Variants in CTNNA3 observed in about 807,000 individuals in gnomAD.
CTNNA3 encodes catenin alpha 3.
In CTNNA3, 76 loss-of-function variants were observed where a neutral mutation model predicts 95.7. The ratio of observed to expected loss-of-function variants is 0.79; its 90% confidence interval spans 0.66 to 0.96. The LOEUF (loss-of-function observed/expected upper bound fraction) is 0.96, where lower values mean the gene tolerates loss of function less well. Among genes scored for constraint, CTNNA3 ranks in the 40% least tolerant of loss-of-function variants. The probability of loss-of-function intolerance (pLI) is 0.00; values close to 1 mark genes in which losing one functional copy is unlikely to be tolerated. For missense variants in CTNNA3, 1,191 were observed against 1,089.8 expected (o/e 1.09, Z -1.31); for synonymous variants, 431 against 374.4 (o/e 1.15, Z -1.74).
chr10:66,248,129 T>G (rs891867623), intron 13 of CTNNA3, among the ~76,000 whole-genome samples: 1 of 152,092 alleles, frequency 6.6e-6, no homozygotes. Context: ...TTTCTATTAG[T>G]TTTTTTCTCA....
At chr10:66,371,614 A>G (rs1209590261) in intron 12 of CTNNA3, among the ~76,000 whole-genome samples, 1 of 151,940 alleles carries the variant, frequency 6.6e-6, no homozygotes, top group African/African-American at 2.4e-5. Context: ...TCAATCCTCA[A>G]TTTCCTTTCT....
chr10:66,098,121 A>T (rs2081471725), intron 14 of CTNNA3: 2 of 152,140 alleles, frequency 1.3e-5, no homozygotes, highest in Admixed American at 6.6e-5. Context: ...TAGGATGGGG[A>T]CGTGTAGAAA....
intron 5 of CTNNA3, among the ~76,000 whole-genome samples, chr10:67,235,163 T>C (rs914095334): frequency 6.6e-6 from 1 of 152,098 alleles, no homozygotes; most frequent in Non-Finnish European, 1.5e-5. Flanking sequence ...GAAAAAACTA[T>C]TTTAAAGTTC....
At chr10:66,877,222 C>T (rs6480235) in intron 7 of CTNNA3, among the ~76,000 whole-genome samples, 19,251 of 152,080 alleles carry the variant, frequency 0.13, 1,444 homozygotes, top group African/African-American at 0.21. Flanking sequence ...TGTGTTCTGG[C>T]CTATTCTTAG....
chr10:67,739,662 A>G (rs1841323690), intron 1 of CTNNA3, among the ~76,000 whole-genome samples: 2 of 152,078 alleles, frequency 1.3e-5, no homozygotes, highest in Non-Finnish European at 2.9e-5. Flanking sequence ...AAAAGAGGAT[A>G]CAAACAAATG....
rs1349745219 is a variant in CTNNA3 at position 66,360,648 on chromosome 10, TTTC to T, written c.1732+18501_1732+18503del. ...CTTTCTTTCTTTCTTTCTTTCTTTC[TTTC>T]TTTCTTTCTTCCTTCCTTCCTTCCT... On this transcript the variant is annotated intron_variant, in intron 12 of 17. Transcript: ENST00000433211. 1.4e-4 allele frequency among the ~76,000 whole-genome samples: 9 copies of T among 62,100 alleles called. 1 individual carries two copies. Among genetic ancestry groups the T allele is most frequent in the African/African-American group, 6.4e-4 (9 of 14,104 alleles). 40.7% of individuals were successfully genotyped at this position (62,100 alleles called of 152,430 possible).
At chr10:67,298,843 T>G (rs1348914442) in intron 5 of CTNNA3, among the ~76,000 whole-genome samples, 1 of 152,198 alleles carries the variant, frequency 6.6e-6, no homozygotes, top group Non-Finnish European at 1.5e-5. Context: ...TATACTCTCA[T>G]GCTCCATGAC....
At chr10:67,615,915 C>T (rs1333226622) in intron 2 of CTNNA3, among the ~76,000 whole-genome samples, 2 of 152,036 alleles carry the variant, frequency 1.3e-5, no homozygotes, top group African/African-American at 4.8e-5. Context: ...CCACCTGCCT[C>T]GGCCTCTCAA....
At chr10:66,926,974 C>CTGA (rs1847119436) in intron 7 of CTNNA3, 2 of 1,613,840 alleles carry the variant, frequency 1.2e-6, no homozygotes, top group Non-Finnish European at 1.7e-6. Flanking sequence ...GGTTATAGCC[C>CTGA]CCACTGTCTT....
intron 7 of CTNNA3, among the ~76,000 whole-genome samples, chr10:66,925,609 T>C (rs1348387868): frequency 1.3e-5 from 2 of 152,204 alleles, no homozygotes; most frequent in Non-Finnish European, 2.9e-5. Context: ...CATAATATAA[T>C]CACTGTGACT....
chr10:67,733,501 G>A (rs1841287448), intron 1 of CTNNA3, among the ~76,000 whole-genome samples: 1 of 152,134 alleles, frequency 6.6e-6, no homozygotes, highest in Non-Finnish European at 1.5e-5. Flanking sequence ...TTGGAGAACA[G>A]CCACAAAAAG....
chr10:67,402,498 T>A (rs994215971), intron 5 of CTNNA3, among the ~76,000 whole-genome samples: 2 of 152,020 alleles, frequency 1.3e-5, no homozygotes, highest in African/African-American at 4.8e-5. Flanking sequence ...AAGCAGTGAG[T>A]AAATACAGCA....
At chr10:66,197,242 A>G (rs2087019017) in intron 13 of CTNNA3, among the ~76,000 whole-genome samples, 1 of 152,162 alleles carries the variant, frequency 6.6e-6, no homozygotes, top group African/African-American at 2.4e-5. Context: ...GTAGACTAAA[A>G]AGAGATCTGT....
intron 4 of CTNNA3, among the ~76,000 whole-genome samples, chr10:67,527,550 T>C (rs1482304392): frequency 6.6e-6 from 1 of 152,246 alleles, no homozygotes; most frequent in Non-Finnish European, 1.5e-5. Context: ...AAGTTTCCCC[T>C]GGATGAATGC....
chr10:66,442,649 G>A (rs2093383584), intron 11 of CTNNA3, among the ~76,000 whole-genome samples: 1 of 152,146 alleles, frequency 6.6e-6, no homozygotes, highest in African/African-American at 2.4e-5. Context: ...CAATAAGAAT[G>A]AAAGACAACT....
rs567310885 is a variant in CTNNA3, at chr10:66,146,802, G to A, written c.1885-43553C>T. On this transcript the variant is annotated intron_variant, in intron 13 of 17. Transcript: ENST00000433211. The stretch of plus-strand genomic sequence containing the variant: ...AAACTCCTGAGCTCAAGCAATTCAC[G>A]CGCCTCAGCTTCCCAAAGTATTGGG... Among the ~76,000 whole-genome samples, 27 of 152,080 alleles carry A rather than the reference G, an allele frequency of 1.8e-4. 1 individual carries two copies. The highest frequency in any genetic ancestry group is 2.6e-4 in the Non-Finnish European group (18 of 67,990).
rs1167063964 is a variant in CTNNA3, at chr10:67,294,305, G to C, written c.580-74435C>G. ...AATATACCAATAGACACAAGATATAGGTGGGGAAAAAGACTATGTGTTGCT... is the reference window on the plus strand; with the variant it reads ...AATATACCAATAGACACAAGATATACGTGGGGAAAAAGACTATGTGTTGCT... On this transcript the variant is annotated intron_variant, in intron 5 of 17. Transcript: ENST00000433211. Among the ~76,000 whole-genome samples the C allele has an allele frequency of 2.0e-5, 3 of 152,066 alleles. No homozygotes were observed. In the East Asian group the frequency reaches 5.8e-4, roughly 29 times the overall value.
chr10:66,925,831 A>G (rs1231968876), intron 7 of CTNNA3: 1 of 340,066 alleles, frequency 2.9e-6, no homozygotes, highest in African/African-American at 2.2e-5. Context: ...TTGTAAAACA[A>G]GACTTGGAAA....
At chr10:67,269,980 A>G (rs990607953) in intron 5 of CTNNA3, among the ~76,000 whole-genome samples, 2 of 152,130 alleles carry the variant, frequency 1.3e-5, no homozygotes, top group Non-Finnish European at 2.9e-5. Flanking sequence ...TCTGTACTGA[A>G]TGCTAATGCA....
Sources: allele counts gnomAD v4.1 joint callset (sites outside exome capture counted in the v4.1 genomes callset), GRCh38; gene constraint gnomAD v4.1.1; transcripts MANE v1.5; gene names NCBI Gene and HGNC (gene_info 2026-07-23, HGNC 2026-07-21).